The following WDFY4 variants were observed in gnomAD, a reference collection of about 807,000 sequenced individuals.
The protein encoded by WDFY4 is WDFY family member 4.
WDFY4 carries 169 observed loss-of-function variants against 351.9 expected under a neutral mutation model. That is an observed-to-expected ratio of 0.48 (90% CI 0.42 to 0.55). WDFY4 has a LOEUF of 0.55. WDFY4 is among the 20% of genes least tolerant of loss of function. The pLI is 0.00. For synonymous variants in WDFY4, 1,622 were observed against 1,574.6 expected, an observed-to-expected ratio of 1.03 and a Z score of -0.71; for missense variants, 3,803 against 3,935.6, an observed-to-expected ratio of 0.97 and a Z score of 0.90.
intron 35 of WDFY4, among the ~76,000 whole-genome samples, chr10:48,822,912 G>A (rs998030601): frequency 6.6e-6 from 1 of 152,220 alleles, no homozygotes; most frequent in Non-Finnish European, 1.5e-5. Context: ...GTCTTCACAA[G>A]ACCTATTTTA....
intron 13 of WDFY4, among the ~76,000 whole-genome samples, chr10:48,769,582 A>G (rs2065791958): frequency 6.6e-6 from 1 of 152,348 alleles, no homozygotes; most frequent in Non-Finnish European, 1.5e-5. Context: ...TGTCTGGGGC[A>G]GCAGGCACTG....
chr10:48,789,392 TC>T (rs1435302287), intron 21 of WDFY4, among the ~76,000 whole-genome samples: 1 of 152,162 alleles, frequency 6.6e-6, no homozygotes, highest in Non-Finnish European at 1.5e-5. Context: ...AGGAACTAGG[TC>T]CTGTTGATCA....
At position 48,978,653 on chromosome 10, in the gene WDFY4, C is replaced by T. The variant is rs936698894; in HGVS notation, c.9376+260C>T. 3 of 412,640 alleles carry T rather than the reference C, an allele frequency of 7.3e-6. No homozygotes were observed. The South Asian group carries it at 1.3e-4, about 17-fold the overall frequency. The allele number at this position is 412,640 out of a possible 1,614,324, so 25.6% of individuals were successfully genotyped here. A position where few individuals can be genotyped will look rare whatever the true frequency, so the allele number is the denominator to read the frequency against. On this transcript the variant is annotated intron_variant, in intron 60 of 61. Transcript: ENST00000325239. ...TGGCATGTAACCACCATCACCAACCCCTCCATAATGAACACAGGTACAAAC... is the reference window on the plus strand; with the variant it reads ...TGGCATGTAACCACCATCACCAACCTCTCCATAATGAACACAGGTACAAAC...
At chr10:48,701,232 A>C (rs1313618844) in intron 1 of WDFY4, among the ~76,000 whole-genome samples, 3 of 152,224 alleles carry the variant, frequency 2.0e-5, no homozygotes, top group Non-Finnish European at 4.4e-5. Context: ...CTCAGGGTTC[A>C]TCCATGTCGT....
chr10:48,743,113 G>A lies in WDFY4; in HGVS notation c.2024G>A (p.Arg675Lys). 6.4e-7 allele frequency: 1 copy of A among 1,551,716 alleles called. No homozygotes were observed. ...PLQAWGAVSPRQTLELVLYTL... is the reference protein window; with the variant it reads ...PLQAWGAVSPKQTLELVLYTL... ...CAGGCATGGGGAGCAGTATCCCCCA[G>A]ACAGACCCTGGAGCTGGTTTTGTAC... The change falls in exon 12 of 62, where the codon AGA (arginine) becomes AAA (lysine). Residue 675 changes from arginine to lysine, a missense_variant. By Grantham distance (26) the Arg-to-Lys change is conservative. Transcript: ENST00000325239.
chr10:48,710,459 G>T (rs1025125827), intron 2 of WDFY4, among the ~76,000 whole-genome samples: 3 of 152,160 alleles, frequency 2.0e-5, no homozygotes, highest in South Asian at 2.1e-4. Context: ...GACAAGCAAG[G>T]CTCATTTCTA....
intron 1 of WDFY4, among the ~76,000 whole-genome samples, chr10:48,697,010 C>T (rs951194665): frequency 2.3e-4 from 35 of 152,214 alleles, no homozygotes; most frequent in African/African-American, 8.2e-4. Context: ...CTGGGTTGGC[C>T]TGGCCTTGGA....
intron 5 of WDFY4, 100 bp from the exon 6 acceptor site, chr10:48,725,781 A>T: frequency 8.2e-7 from 1 of 1,216,438 alleles, no homozygotes; most frequent in Non-Finnish European, 1.1e-6. Context: ...TCTCACAGAG[A>T]CATGCTCATC....
intron 25 of WDFY4, 126 bp from the exon 26 acceptor site, chr10:48,805,134 C>G (rs2067209711): frequency 8.9e-7 from 1 of 1,128,884 alleles, no homozygotes; most frequent in East Asian, 2.6e-5. Flanking sequence ...TGACAAATTG[C>G]CAAGAGAGCA....
At chr10:48,833,172 TGAGAGAGAGAGA>T in intron 39 of WDFY4, among the ~76,000 whole-genome samples, 1 of 135,902 alleles carries the variant, frequency 7.4e-6, no homozygotes, top group South Asian at 2.6e-4. Flanking sequence ...TGTGTGTGTG[TGAGAGAGAGAGA>T]GAGAGAGAGA....
intron 47 of WDFY4, among the ~76,000 whole-genome samples, chr10:48,930,133 C>T (rs551755912): frequency 1.4e-4 from 21 of 152,224 alleles, no homozygotes; most frequent in African/African-American, 4.1e-4. Context: ...ACAGTCTAAG[C>T]GCTTACAAGG....
At chr10:48,941,053 G>T (rs1840727333) in intron 47 of WDFY4, among the ~76,000 whole-genome samples, 1 of 152,162 alleles carries the variant, frequency 6.6e-6, no homozygotes, top group Non-Finnish European at 1.5e-5. Context: ...GAAGTACCCA[G>T]AGACATGTGC....
intron 35 of WDFY4, chr10:48,823,767 G>C (rs1030669703): frequency 2.0e-6 from 2 of 990,684 alleles, no homozygotes; most frequent in Non-Finnish European, 2.4e-6. Flanking sequence ...GGGGGACCAG[G>C]CCTGAGGGCT....
intron 12 of WDFY4, among the ~76,000 whole-genome samples, chr10:48,756,402 T>C (rs1474526453): frequency 4.5e-5 from 1 of 22,466 alleles, no homozygotes; most frequent in Non-Finnish European, 2.3e-4. Flanking sequence ...GTTCTAGAAG[T>C]TTTTTTTTTT....
chr10:48,910,351 A>C, intron 47 of WDFY4: 44 of 1,097,436 alleles, frequency 4.0e-5, no homozygotes, highest in Non-Finnish European at 5.2e-5. Flanking sequence ...CACCAAGGTC[A>C]TGCCTGACCT....
chr10:48,693,301 T>C (rs1019666712), intron 1 of WDFY4, among the ~76,000 whole-genome samples: 3 of 152,072 alleles, frequency 2.0e-5, no homozygotes, highest in African/African-American at 7.2e-5. Context: ...AGGCAGAGAC[T>C]TGCTATGGTG....
intron 32 of WDFY4, among the ~76,000 whole-genome samples, chr10:48,818,841 C>T (rs113239404): frequency 1.3e-5 from 2 of 152,174 alleles, no homozygotes; most frequent in Admixed American, 1.3e-4. Flanking sequence ...AGGAATGCAG[C>T]GTTGTTTGCA....
At chr10:48,727,929 G>C (rs1297215060) in intron 7 of WDFY4, among the ~76,000 whole-genome samples, 4 of 152,168 alleles carry the variant, frequency 2.6e-5, no homozygotes, top group African/African-American at 9.7e-5. Flanking sequence ...CAGAAGCCCT[G>C]TCTGTTGGAG....
chr10:48,767,545 C>A (rs2065711041), intron 13 of WDFY4, among the ~76,000 whole-genome samples: 1 of 152,188 alleles, frequency 6.6e-6, no homozygotes, highest in Admixed American at 6.5e-5. Flanking sequence ...GCTGGTTCTG[C>A]ACTTTATCAG....
Sources: allele counts gnomAD v4.1 joint callset (sites outside exome capture counted in the v4.1 genomes callset), GRCh38; gene constraint gnomAD v4.1.1; transcripts MANE v1.5; gene names NCBI Gene and HGNC (gene_info 2026-07-23, HGNC 2026-07-21).